Variants in CAMTA1 observed in about 807,000 individuals in gnomAD.
The protein encoded by CAMTA1 is calmodulin binding transcription activator 1, also known as calmodulin-binding transcription activator 1.
Under a neutral mutation model 170.9 loss-of-function variants are expected in CAMTA1, and 27 were observed. The observed-to-expected ratio is 0.16, with a 90% CI of 0.12 to 0.22. The LOEUF (loss-of-function observed/expected upper bound fraction) is 0.22, where lower values mean the gene tolerates loss of function less well. Ranked by LOEUF, CAMTA1 falls within the 10% of genes least tolerant of loss-of-function variation. The pLI is 1.00. For missense variants in CAMTA1, 1,619 were observed against 2,217.2 expected (o/e 0.73, Z 5.42); for synonymous variants, 833 against 891.5 (o/e 0.93, Z 1.17).
At chr1:7,487,604 C>T (rs1403019542) in intron 6 of CAMTA1, among the ~76,000 whole-genome samples, 1 of 152,006 alleles carries the variant, frequency 6.6e-6, no homozygotes, top group African/African-American at 2.4e-5. Flanking sequence ...GGACCTGCTG[C>T]AGCCTGCAGG....
chr1:7,009,555 C>T lies in CAMTA1; in HGVS notation c.235-81749C>T, dbSNP rs187792268. Among the ~76,000 whole-genome samples the T allele has an allele frequency of 2.4e-3, 366 of 152,250 alleles. 1 individual carries two copies. The highest frequency in any genetic ancestry group is 8.8e-3 in the Admixed American group (134 of 15,292). On this transcript the variant is annotated intron_variant, in intron 3 of 22. Transcript: ENST00000303635. Reference sequence around the variant, plus strand: ...TTTGCTGCCAGGTGCCCTGTGTTGCCGTAGCCCTTGAAGAAGGACCACCGC... The same window carrying T: ...TTTGCTGCCAGGTGCCCTGTGTTGCTGTAGCCCTTGAAGAAGGACCACCGC...
At chr1:6,900,703 G>C (rs1226169085) in intron 3 of CAMTA1, among the ~76,000 whole-genome samples, 1 of 152,118 alleles carries the variant, frequency 6.6e-6, no homozygotes, top group African/African-American at 2.4e-5. Flanking sequence ...AAAAACTTCA[G>C]ATACCTTAGA....
intron 5 of CAMTA1, among the ~76,000 whole-genome samples, chr1:7,430,510 T>A (rs1339964290): frequency 6.6e-6 from 1 of 151,784 alleles, no homozygotes; most frequent in Non-Finnish European, 1.5e-5. Context: ...GTGGTGATGA[T>A]GATGGTGGTG....
Position 7,456,183 on chromosome 1 carries a change from A to G in CAMTA1, c.439-11647A>G, listed in dbSNP as rs1294622607. Reference sequence around the variant, plus strand: ...GAAGGGAGGGAGGGAGATGGAAGGGAGGGAGGAAAAATGGGAGGGAGGGAG... The same window carrying G: ...GAAGGGAGGGAGGGAGATGGAAGGGGGGGAGGAAAAATGGGAGGGAGGGAG... On this transcript the variant is annotated intron_variant, in intron 5 of 22. Transcript: ENST00000303635. This position sits in a 1 kb window ranked among gnomAD's most constrained non-coding sequence, Gnocchi z 4.9. Among the ~76,000 whole-genome samples the G allele has an allele frequency of 7.6e-6, 1 of 131,260 alleles. No individual in the cohort carries two copies. The highest frequency in any genetic ancestry group is 1.6e-5 in the Non-Finnish European group (1 of 62,402). The allele number at this position is 131,260 out of a possible 152,430, so 86.1% of individuals were successfully genotyped here. A position where few individuals can be genotyped will look rare whatever the true frequency, so the allele number is the denominator to read the frequency against.
chr1:7,349,514 C>T (rs897560710), intron 5 of CAMTA1, among the ~76,000 whole-genome samples: 5 of 152,346 alleles, frequency 3.3e-5, no homozygotes, highest in Middle Eastern at 3.4e-3. Context: ...GACAAGGCAC[C>T]GCACACGGGG....
intron 3 of CAMTA1, among the ~76,000 whole-genome samples, chr1:6,954,443 C>G (rs1264320594): frequency 2.6e-5 from 4 of 152,180 alleles, no homozygotes; most frequent in African/African-American, 9.7e-5. Flanking sequence ...CCCACGAGTT[C>G]CAGTATTTCA....
chr1:6,844,110 A>G (rs1656981710), intron 3 of CAMTA1, among the ~76,000 whole-genome samples: 1 of 152,240 alleles, frequency 6.6e-6, no homozygotes, highest in Admixed American at 6.5e-5. Context: ...TCTCACAAAC[A>G]TAATGTTGAG....
intron 5 of CAMTA1, among the ~76,000 whole-genome samples, chr1:7,360,676 C>G (rs1182919839): frequency 6.6e-6 from 1 of 152,206 alleles, no homozygotes; most frequent in Non-Finnish European, 1.5e-5. Context: ...AGAGCTGTTT[C>G]TTTTCACCCT....
At chr1:7,184,302 T>G (rs943538803) in intron 4 of CAMTA1, among the ~76,000 whole-genome samples, 9 of 152,212 alleles carry the variant, frequency 5.9e-5, no homozygotes, top group Non-Finnish European at 1.0e-4. Context: ...AGACCTAGTA[T>G]TTGCTAACAC....
At chr1:7,040,897 T>A (rs1476269344) in intron 3 of CAMTA1, among the ~76,000 whole-genome samples, 2 of 152,140 alleles carry the variant, frequency 1.3e-5, no homozygotes, top group African/African-American at 4.8e-5. Context: ...AGCTAATCTT[T>A]GTTTTTAGTA....
chr1:7,247,102 A>T (rs920272323), intron 4 of CAMTA1, among the ~76,000 whole-genome samples: 1 of 152,228 alleles, frequency 6.6e-6, no homozygotes, highest in African/African-American at 2.4e-5. Context: ...ACAAGTTCTA[A>T]TAAAATCAGA....
At position 7,565,148 on chromosome 1, in the gene CAMTA1, C is replaced by T. The variant is rs982716661; in HGVS notation, c.511-75252C>T. On this transcript the variant is annotated intron_variant, in intron 6 of 22. Coordinates refer to ENST00000303635, the MANE Select transcript of CAMTA1 (RefSeq NM_015215.4). The surrounding 1 kb of genome is among the most constrained non-coding windows in gnomAD (Gnocchi z 4.5). ...AGTCACCTGTGCTACCTGGATATAC[C>T]CCTCACACCCCCACCCTCCACTTGC... 2.0e-5 allele frequency among the ~76,000 whole-genome samples: 3 copies of T among 151,974 alleles called. No homozygotes were observed. Among genetic ancestry groups the T allele is most frequent in the Non-Finnish European group, 4.4e-5 (3 of 67,968 alleles).
intron 11 of CAMTA1, among the ~76,000 whole-genome samples, chr1:7,687,212 C>T (rs1295602809): frequency 1.3e-5 from 2 of 151,540 alleles, no homozygotes; most frequent in African/African-American, 4.9e-5. Context: ...GGTATGAGGA[C>T]ACCAAGCAGA....
At chr1:7,601,184 C>T (rs1467919881) in intron 6 of CAMTA1, among the ~76,000 whole-genome samples, 9 of 120,288 alleles carry the variant, frequency 7.5e-5, no homozygotes, top group South Asian at 5.0e-4. Context: ...CCCTCCCGGA[C>T]GGGGTGGCTG....
intron 5 of CAMTA1, among the ~76,000 whole-genome samples, chr1:7,266,442 T>G (rs1668945754): frequency 6.6e-6 from 1 of 152,210 alleles, no homozygotes; most frequent in Non-Finnish European, 1.5e-5. Context: ...AGTTGATGGT[T>G]AATAATTTAA....
intron 5 of CAMTA1, among the ~76,000 whole-genome samples, chr1:7,405,647 C>T (rs2090231946): frequency 1.3e-5 from 2 of 152,214 alleles, no homozygotes; most frequent in Admixed American, 6.5e-5. Context: ...GCTGGGATTA[C>T]AGGTGTAAGT....
chr1:7,709,457 A>G (rs925006652), intron 11 of CAMTA1, among the ~76,000 whole-genome samples: 1 of 149,046 alleles, frequency 6.7e-6, no homozygotes, highest in Non-Finnish European at 1.5e-5. Context: ...ATGATTTCCC[A>G]TGCAGGTCAG....
chr1:7,530,941 C>G (rs564112464), intron 6 of CAMTA1, among the ~76,000 whole-genome samples: 3 of 151,824 alleles, frequency 2.0e-5, no homozygotes, highest in Admixed American at 2.0e-4. Flanking sequence ...CAGCCTCCCC[C>G]AAGTAGCTGG....
intron 3 of CAMTA1, among the ~76,000 whole-genome samples, chr1:7,011,890 C>T (rs2100791350): frequency 6.6e-6 from 1 of 152,248 alleles, no homozygotes; most frequent in African/African-American, 2.4e-5. Context: ...TACAAACATC[C>T]CACTCTTCAA....
Sources: gnomAD v4.1 joint callset for allele counts (sites outside exome capture counted in the v4.1 genomes callset) on GRCh38, gnomAD v4.1.1 for gene constraint, Gnocchi (gnomAD v3.1) non-coding constraint, MANE v1.5 for transcripts, NCBI Gene and HGNC (gene_info 2026-07-23, HGNC 2026-07-21) for gene names.